GAA: variants seen among roughly 807,000 people sequenced by gnomAD.
GAA encodes alpha glucosidase.
In GAA, 88 loss-of-function variants were observed where a neutral mutation model predicts 103.9. That is an observed-to-expected ratio of 0.85 (90% CI 0.71 to 1.01). The LOEUF is 1.01. Among genes scored for constraint, GAA ranks in the 50% least tolerant of loss-of-function variants. The probability of loss-of-function intolerance (pLI) is 0.00; values close to 1 mark genes in which losing one functional copy is unlikely to be tolerated. For synonymous variants in GAA, 572 were observed against 563.1 expected (o/e 1.02, Z -0.22); for missense variants, 1,350 against 1,305.3 (o/e 1.03, Z -0.53).
In GAA at chr17:80,108,603, C is replaced by G. The variant is rs776008078; in HGVS notation, c.1190C>G (p.Pro397Arg). Residue 397 changes from proline to arginine, a missense_variant, in exon 7 of 20, where the codon CCC (proline) becomes CGC (arginine). Pro to Arg is a moderately radical substitution (Grantham distance 103). Transcript: ENST00000302262. ...GAGAACATGACCAGGGCCCACTTCC[C>G]CCTGGTGAGTTGGGGTGGTGGCAGG... ...VVENMTRAHFPLDVQWNDLDY... is the reference protein window; with the variant it reads ...VVENMTRAHFRLDVQWNDLDY... The G allele has an allele frequency of 6.2e-6, 10 of 1,612,818 alleles. No homozygotes were observed. The highest frequency in any genetic ancestry group is 8.5e-6 in the Non-Finnish European group (10 of 1,179,918).
chr17:80,111,627 G>A (rs1410661235), intron 11 of GAA: 1 of 364,152 alleles, frequency 2.7e-6, no homozygotes, highest in African/African-American at 2.1e-5. Context: ...GGGGGCCTGA[G>A]GCTATAGTTT....
In GAA at chr17:80,104,871, C is replaced by T. The variant is rs757572452; in HGVS notation, c.285C>T (p.Asp95=). The T allele has an allele frequency of 6.2e-7, 1 of 1,613,034 alleles. No homozygotes were observed. The highest frequency in any genetic ancestry group is 8.5e-7 in the Non-Finnish European group (1 of 1,179,944). ...ACAGCCGCTTCGATTGCGCCCCTGA[C>T]AAGGCCATCACCCAGGAACAGTGCG... ...PPNSRFDCAP[D]KAITQEQCEA... The change falls in exon 2 of 20, where the codon GAC becomes GAT. Residue 95 remains aspartate, a synonymous_variant. Coordinates refer to ENST00000302262, the MANE Select transcript of GAA (RefSeq NM_000152.5). This position sits in a 1 kb window ranked among gnomAD's most constrained non-coding sequence, Gnocchi z 4.0.
rs1482012726 is a variant in GAA at position 80,104,375 on chromosome 17, G to A, written c.-32-180G>A. On this transcript the variant is annotated intron_variant, in intron 1 of 19. Transcript: ENST00000302262. The surrounding 1 kb of genome is among the most constrained non-coding windows in gnomAD (Gnocchi z 4.0). ...GCACTCCCCTGCTGGAGCTTTTCTC[G>A]CCCTTCCTTCTGGCCCTCTCCCCAG... Among the ~76,000 whole-genome samples, 2 of 152,094 alleles carry A rather than the reference G, an allele frequency of 1.3e-5. No homozygotes were observed. The highest frequency in any genetic ancestry group is 2.9e-5 in the Non-Finnish European group (2 of 68,000).
chr17:80,108,684 G>A lies in GAA; in HGVS notation c.1195-13G>A. On this transcript the variant is annotated splice_polypyrimidine_tract_variant and intron_variant, in intron 7 of 19. Coordinates refer to ENST00000302262, the MANE Select transcript of GAA (RefSeq NM_000152.5). ...CTCAGGCCCCAGCAGACGGTCCCGT[G>A]TTGTGGCTGCAGGACGTCCAGTGGA... 1 of 1,612,794 alleles carries A rather than the reference G, an allele frequency of 6.2e-7. No homozygotes were observed. The highest frequency in any genetic ancestry group is 1.3e-5 in the African/African-American group (1 of 75,060).
rs1358917187 is a variant in GAA, at chr17:80,108,354, C to T, written c.1020C>T (p.Tyr340=). The change falls in exon 6 of 20, where the codon TAC becomes TAT. Residue 340 remains tyrosine (Y), a synonymous_variant. Transcript: ENST00000302262. ...CGACAGGTGGGATCCTGGATGTCTACATCTTCCTGGGCCCAGAGCCCAAGA... is the reference window on the plus strand; with the variant it reads ...CGACAGGTGGGATCCTGGATGTCTATATCTTCCTGGGCCCAGAGCCCAAGA... ...WRSTGGILDV[Y]IFLGPEPKSV... is the part of the protein sequence containing the mutation. The T allele has an allele frequency of 6.2e-7, 1 of 1,613,688 alleles. No individual in the cohort carries two copies. The highest frequency in any genetic ancestry group is 8.5e-7 in the Non-Finnish European group (1 of 1,180,040).
At chr17:80,108,906 C>A in intron 8 of GAA, 78 bp downstream of exon 8, 1 of 1,485,336 alleles carries the variant, frequency 6.7e-7, no homozygotes, top group Non-Finnish European at 9.1e-7. Context: ...GCAGCGTCAT[C>A]CTCGTGCCTG....
Position 80,117,689 on chromosome 17 carries a change from G to A in GAA, c.2421G>A (p.Leu807=). The A allele has an allele frequency of 6.2e-7, 1 of 1,612,468 alleles. No homozygotes were observed. The highest frequency in any genetic ancestry group is 8.5e-7 in the Non-Finnish European group (1 of 1,179,916). ...ACAGCGAGGGGCAGTGGGTGACGCT[G>A]CCGGCCCCCCTGGACACCATCAACG... ...AIHSEGQWVT[L]PAPLDTINVH... is the part of the protein sequence containing the mutation. Residue 807 remains leucine (L), a synonymous_variant, in exon 17 of 20, where the codon CTG becomes CTA. Transcript: ENST00000302262.
At chr17:80,102,227 G>C (rs1172949352) in intron 1 of GAA, 1 of 152,362 alleles carries the variant, frequency 6.6e-6, no homozygotes, top group Non-Finnish European at 1.5e-5. Flanking sequence ...GGAGCACCGT[G>C]GCCTGAGAGG....
intron 15 of GAA, among the ~76,000 whole-genome samples, chr17:80,113,737 G>A (rs982233740): frequency 6.6e-6 from 1 of 152,090 alleles, no homozygotes; most frequent in Non-Finnish European, 1.5e-5. Context: ...AAGCTGTGGA[G>A]GCCAGGCACG....
intron 10 of GAA, 33 bp from the exon 11 acceptor site, chr17:80,110,908 C>T (rs752740979): frequency 1.5e-5 from 25 of 1,613,458 alleles, no homozygotes; most frequent in South Asian, 7.7e-5. Context: ...TCACTCTGGG[C>T]AGAGTCACCT....
chr17:80,109,903 G>A (rs1180185047), intron 8 of GAA, 42 bp from the exon 9 acceptor site: 5 of 1,511,134 alleles, frequency 3.3e-6, no homozygotes, highest in Non-Finnish European at 4.6e-6. Context: ...TGGCGCCAGG[G>A]CTCTGGGCCA....
At chr17:80,116,869 G>C in intron 15 of GAA, 99 bp from the exon 16 acceptor site, 1 of 1,373,536 alleles carries the variant, frequency 7.3e-7, no homozygotes, top group Non-Finnish European at 1.0e-6. Flanking sequence ...GCTCCAGAGA[G>C]CAGAATTCAG....
chr17:80,110,042 C>T lies in GAA; in HGVS notation c.1424C>T (p.Pro475Leu), dbSNP rs765931661. The T allele has an allele frequency of 1.5e-5, 24 of 1,612,990 alleles. No homozygotes were observed. The highest frequency in any genetic ancestry group is 1.6e-4 in the Middle Eastern group (1 of 6,082). Residue 475 changes from proline to leucine, a missense_variant, in exon 9 of 20, where the codon CCG (proline) becomes CTG (leucine). Transcript: ENST00000302262. ...GVFITNETGQ[P>L]LIGKVWPGST... is the part of the protein sequence containing the mutation. ...TTCATCACCAACGAGACCGGCCAGCCGCTGATTGGGAAGGTAGGGCGAGGG... is the reference window on the plus strand; with the variant it reads ...TTCATCACCAACGAGACCGGCCAGCTGCTGATTGGGAAGGTAGGGCGAGGG...
In GAA at chr17:80,105,902, C is replaced by T. The variant is rs1234319092; in HGVS notation, c.692+8C>T. ...GCTGGACGGCCGCGTGCTGTGAGTT[C>T]TGGGCTCTGTGCCAGCATGATGGGG... On this transcript the variant is annotated splice_region_variant and intron_variant, in intron 3 of 19. Coordinates refer to ENST00000302262, the MANE Select transcript of GAA (RefSeq NM_000152.5). 1 of 1,589,712 alleles carries T rather than the reference C, an allele frequency of 6.3e-7. No homozygotes were observed. Among genetic ancestry groups the T allele is most frequent in the Non-Finnish European group, 8.5e-7 (1 of 1,171,270 alleles).
In GAA at chr17:80,116,282, G is replaced by A. The variant is rs12452616; in HGVS notation, c.2190-686G>A. 0.2 allele frequency among the ~76,000 whole-genome samples: 30,363 copies of A among 152,192 alleles called. 3,714 individuals are homozygous for A. Among genetic ancestry groups the A allele is most frequent in the Middle Eastern group, 0.27 (80 of 294 alleles). On this transcript the variant is annotated intron_variant, in intron 15 of 19. Transcript: ENST00000302262. ...ATTGGCACATTTGTGGAAAGCAACAGTACATATCAGTCAATGTTTTTGAGA... is the reference window on the plus strand; with the variant it reads ...ATTGGCACATTTGTGGAAAGCAACAATACATATCAGTCAATGTTTTTGAGA...
In GAA at chr17:80,114,089, GAA is replaced by G. The variant is rs75151558; in HGVS notation, c.2189+738_2189+739del. On this transcript the variant is annotated intron_variant, in intron 15 of 19. Transcript: ENST00000302262. ...TCTCTGGGGAAAGGTTTCATTTAGA[GAA>G]AAAAAAAAAAAAAAGGTGAACTTTA... Among the ~76,000 whole-genome samples, 57 of 70,476 alleles carry G rather than the reference GAA, an allele frequency of 8.1e-4. No individual in the cohort carries two copies. The South Asian group carries it at 9.9e-3, about 12-fold the overall frequency. The allele number at this position is 70,476 out of a possible 152,430, so 46.2% of individuals were successfully genotyped here.
Position 80,107,729 on chromosome 17 carries a change from C to T in GAA, c.858+7C>T, listed in dbSNP as rs968966660. ...CCGGGACCTTGCGCCCACGGTACAGCGGCGGGCGGCGGGCGGGGGCACTGA... is the reference window on the plus strand; with the variant it reads ...CCGGGACCTTGCGCCCACGGTACAGTGGCGGGCGGCGGGCGGGGGCACTGA... On this transcript the variant is annotated splice_region_variant and intron_variant, in intron 4 of 19. Transcript: ENST00000302262. The T allele has an allele frequency of 6.2e-7, 1 of 1,606,872 alleles. No homozygotes were observed. Among genetic ancestry groups the T allele is most frequent in the African/African-American group, 1.4e-5 (1 of 72,448 alleles).
Position 80,118,655 on chromosome 17 carries a change from C to T in GAA, c.2649C>T (p.Asn883=). The part of the protein sequence containing the change: ...YTQVIFLARN[N]TIVNELVRVT... ...TCATCTCTCTCTGCTCGGCCCAGAACACGATCGTGAATGAGCTGGTACGTG... is the reference window on the plus strand; with the variant it reads ...TCATCTCTCTCTGCTCGGCCCAGAATACGATCGTGAATGAGCTGGTACGTG... Residue 883 remains asparagine (N), a splice_region_variant and synonymous_variant, in exon 19 of 20, where the codon AAC becomes AAT. Transcript: ENST00000302262. 6.2e-7 allele frequency: 1 copy of T among 1,612,258 alleles called. No homozygotes were observed. The highest frequency in any genetic ancestry group is 8.5e-7 in the Non-Finnish European group (1 of 1,180,008).
chr17:80,109,975 G>A lies in GAA; in HGVS notation c.1357G>A (p.Gly453Arg), dbSNP rs550065979. The change falls in exon 9 of 20, where the codon GGG becomes AGG. Residue 453 changes from glycine (G) to arginine (R), a missense_variant. By Grantham distance (125) the Gly-to-Arg change is moderately radical. Coordinates refer to ENST00000302262, the MANE Select transcript of GAA (RefSeq NM_000152.5). ...DPAISSSGPA[G>R]SYRPYDEGLR... Reference sequence around the variant, plus strand: ...TGCCATCAGCAGCTCGGGCCCTGCCGGGAGCTACAGGCCCTACGACGAGGG... The same window carrying A: ...TGCCATCAGCAGCTCGGGCCCTGCCAGGAGCTACAGGCCCTACGACGAGGG... 2.5e-5 allele frequency: 41 copies of A among 1,613,382 alleles called. No homozygotes were observed. Among genetic ancestry groups the A allele is most frequent in the African/African-American group, 2.1e-4 (16 of 75,082 alleles).
Sources: gnomAD v4.1 joint callset for allele counts (sites outside exome capture counted in the v4.1 genomes callset) on GRCh38, gnomAD v4.1.1 for gene constraint, Gnocchi (gnomAD v3.1) non-coding constraint, MANE v1.5 for transcripts, NCBI Gene and HGNC (gene_info 2026-07-23, HGNC 2026-07-21) for gene names.